The following CBL variants were observed in gnomAD, a reference collection of about 807,000 sequenced individuals.
CBL encodes E3 ubiquitin-protein ligase CBL.
CBL carries 45 observed loss-of-function variants against 96.9 expected under a neutral mutation model. The observed-to-expected ratio is 0.46, with a 90% CI of 0.37 to 0.60. CBL has a LOEUF of 0.60. Among genes scored for constraint, CBL ranks in the 20% least tolerant of loss-of-function variants. The pLI is 0.00. For missense variants in CBL, 1,024 were observed against 1,143.5 expected, an observed-to-expected ratio of 0.90 and a Z score of 1.51; for synonymous variants, 420 against 426.8, an observed-to-expected ratio of 0.98 and a Z score of 0.20.
At chr11:119,288,000 T>A in intron 12 of CBL, 54 bp downstream of exon 12, 3 of 1,241,076 alleles carry the variant, frequency 2.4e-6, no homozygotes, top group Non-Finnish European at 2.4e-6. Context: ...TGTAAAAAGC[T>A]TACTTGCAGA....
chr11:119,225,300 T>A (rs866013993), intron 1 of CBL, among the ~76,000 whole-genome samples: 3 of 152,100 alleles, frequency 2.0e-5, no homozygotes, highest in Non-Finnish European at 4.4e-5. Context: ...TTTCATCATG[T>A]TGGTCAGGCT....
intron 2 of CBL, among the ~76,000 whole-genome samples, chr11:119,257,889 A>G (rs558306753): frequency 3.9e-5 from 6 of 152,114 alleles, no homozygotes; most frequent in Admixed American, 6.6e-5. Flanking sequence ...TGGTTTCTCT[A>G]TTCTGTTCCA....
intron 2 of CBL, among the ~76,000 whole-genome samples, chr11:119,248,678 A>T (rs1388000598): frequency 6.6e-6 from 1 of 152,236 alleles, no homozygotes; most frequent in African/African-American, 2.4e-5. Flanking sequence ...TCATCAAAGG[A>T]CATATTAAGG....
At chr11:119,267,222 G>A (rs904551455) in intron 2 of CBL, among the ~76,000 whole-genome samples, 3 of 152,124 alleles carry the variant, frequency 2.0e-5, no homozygotes, top group African/African-American at 7.2e-5. Flanking sequence ...GCTTTTTGGA[G>A]GGATGCATTC....
rs1418795489 is a variant in CBL, at chr11:119,247,535, G to A, written c.443+14840G>A. Among the ~76,000 whole-genome samples the A allele has an allele frequency of 2.0e-5, 3 of 152,224 alleles. No individual in the cohort carries two copies. In the East Asian group the frequency reaches 5.8e-4, roughly 29 times the overall value. On this transcript the variant is annotated intron_variant, in intron 2 of 15. Transcript: ENST00000264033. ...TCAATATACAGAAATCATTTGCCGGGTGTGGTGGCTCACGCCTGTGATCCC... is the reference window on the plus strand; with the variant it reads ...TCAATATACAGAAATCATTTGCCGGATGTGGTGGCTCACGCCTGTGATCCC...
chr11:119,258,199 G>C (rs1949725330), intron 2 of CBL, among the ~76,000 whole-genome samples: 1 of 152,160 alleles, frequency 6.6e-6, no homozygotes, highest in Non-Finnish European at 1.5e-5. Context: ...TTGCACTCCA[G>C]CCTGGGCGAC....
At chr11:119,277,241 G>GCGCGCACACACA (rs1035208999) in intron 6 of CBL, among the ~76,000 whole-genome samples, 4 of 146,386 alleles carry the variant, frequency 2.7e-5, no homozygotes, top group African/African-American at 1.0e-4. Context: ...AATCTGTCGC[G>GCGCGCACACACA]CACACACACA....
intron 1 of CBL, among the ~76,000 whole-genome samples, chr11:119,217,941 G>A (rs939415468): frequency 6.6e-6 from 1 of 152,058 alleles, no homozygotes; most frequent in Admixed American, 6.6e-5. Context: ...GTTGGCCGTG[G>A]TGGTGAGTTC....
At chr11:119,281,365 C>T (rs778639649) in intron 9 of CBL, among the ~76,000 whole-genome samples, 4 of 152,246 alleles carry the variant, frequency 2.6e-5, no homozygotes, top group Middle Eastern at 3.4e-3. Flanking sequence ...AACCCTCAAA[C>T]GTGAATTGAC....
At chr11:119,212,825 A>G (rs1236548248) in intron 1 of CBL, among the ~76,000 whole-genome samples, 1 of 151,944 alleles carries the variant, frequency 6.6e-6, no homozygotes, top group Non-Finnish European at 1.5e-5. Flanking sequence ...AGCCTGGCCA[A>G]CATGGTGAAA....
intron 2 of CBL, among the ~76,000 whole-genome samples, chr11:119,244,244 G>A (rs1345355615): frequency 6.6e-6 from 1 of 152,164 alleles, no homozygotes; most frequent in Non-Finnish European, 1.5e-5. Context: ...GTCACAGTTA[G>A]TTCTCAGCAT....
In CBL at chr11:119,300,564, T is replaced by C; in HGVS notation, c.*783T>C. 1 of 399,544 alleles carries C rather than the reference T, an allele frequency of 2.5e-6. No homozygotes were observed. Among genetic ancestry groups the C allele is most frequent in the Non-Finnish European group, 4.4e-6 (1 of 226,400 alleles). 24.7% of individuals were successfully genotyped at this position (399,544 alleles called of 1,614,324 possible). ...GAAAAGTACTGTTGCTACACTATTA[T>C]AGGCATGTTTGATACTAGCAGCTAA... On this transcript the variant is annotated 3_prime_UTR_variant, in exon 16 of 16. Transcript: ENST00000264033.
intron 1 of CBL, among the ~76,000 whole-genome samples, chr11:119,212,166 G>A (rs758077456): frequency 6.6e-6 from 1 of 151,956 alleles, no homozygotes; most frequent in Non-Finnish European, 1.5e-5. Context: ...TGATCTGCCT[G>A]CCTCGGTCTT....
At chr11:119,252,009 G>A (rs994405904) in intron 2 of CBL, among the ~76,000 whole-genome samples, 4 of 152,070 alleles carry the variant, frequency 2.6e-5, no homozygotes, top group Admixed American at 2.0e-4. Context: ...GTGTGAAAAT[G>A]TTAGCAGCAT....
chr11:119,261,133 C>G (rs988976977), intron 2 of CBL, among the ~76,000 whole-genome samples: 7 of 151,636 alleles, frequency 4.6e-5, no homozygotes, highest in South Asian at 4.2e-4. Context: ...AGGCTGGTCT[C>G]GAACTCCTGA....
Position 119,232,624 on chromosome 11 carries a change from G to C in CBL, c.372G>C (p.Lys124Asn), listed in dbSNP as rs1269425522. Residue 124 changes from lysine (K) to asparagine (N), a missense_variant, in exon 2 of 16, where the codon AAG becomes AAC. By Grantham distance (94) the Lys-to-Asn change is moderately conservative. Coordinates refer to ENST00000264033, the MANE Select transcript of CBL (RefSeq NM_005188.4). ...YFRVFMENLM[K>N]KTKQTISLFK... The stretch of plus-strand genomic sequence containing the variant: ...GGGTGTTTATGGAGAATTTGATGAA[G>C]AAAACTAAGCAAACCATAAGCCTCT... 3 of 1,613,724 alleles carry C rather than the reference G, an allele frequency of 1.9e-6. No individual in the cohort carries two copies. In the Admixed American group the frequency reaches 5.0e-5, roughly 27 times the overall value.
Position 119,304,447 on chromosome 11 carries a change from C to T in CBL, c.*4666C>T, listed in dbSNP as rs1950121390. 4.3e-6 allele frequency: 1 copy of T among 233,044 alleles called. No homozygotes were observed. The highest frequency in any genetic ancestry group is 8.5e-6 in the Non-Finnish European group (1 of 117,980). The allele number at this position is 233,044 out of a possible 1,614,324, so 14.4% of individuals were successfully genotyped here. ...GCAGGGTATTTCGCAGAACCCAGGA[C>T]GGGAAGTGCCTTTGGTTCTTGGGTG... On this transcript the variant is annotated 3_prime_UTR_variant, in exon 16 of 16. Coordinates refer to ENST00000264033, the MANE Select transcript of CBL (RefSeq NM_005188.4).
At chr11:119,218,676 T>TG (rs2135254682) in intron 1 of CBL, among the ~76,000 whole-genome samples, 1 of 152,256 alleles carries the variant, frequency 6.6e-6, no homozygotes, top group East Asian at 1.9e-4. Flanking sequence ...CACCGGTTAG[T>TG]CACCTAGTAG....
At chr11:119,281,974 C>T (rs76683040) in intron 9 of CBL, among the ~76,000 whole-genome samples, 9,873 of 152,232 alleles carry the variant, frequency 0.065, 607 homozygotes, top group South Asian at 0.32. Context: ...TTGTATTTCT[C>T]TGATCACTTA....
Sources: allele counts gnomAD v4.1 joint callset (sites outside exome capture counted in the v4.1 genomes callset), GRCh38; gene constraint gnomAD v4.1.1; transcripts MANE v1.5; gene names NCBI Gene and HGNC (gene_info 2026-07-23, HGNC 2026-07-21).